CAPN14: variants seen among roughly 807,000 people sequenced by gnomAD.
The protein encoded by CAPN14 is calpain-14.
In CAPN14, 94 loss-of-function variants were observed where a neutral mutation model predicts 101.3. The observed-to-expected ratio is 0.93, with a 90% CI of 0.79 to 1.10. The LOEUF is 1.10. CAPN14 is among the 50% of genes least tolerant of loss of function. The pLI is 0.00. For missense variants in CAPN14, 837 were observed against 828.4 expected, an observed-to-expected ratio of 1.01 and a Z score of -0.13; for synonymous variants, 338 against 317.9, an observed-to-expected ratio of 1.06 and a Z score of -0.67.
chr2:31,206,154 TC>T (rs1156424547), intron 1 of CAPN14, among the ~76,000 whole-genome samples: 1 of 151,420 alleles, frequency 6.6e-6, no homozygotes, highest in Admixed American at 6.6e-5. Context: ...TGCCTCAGTC[TC>T]CCGAGTAGCT....
chr2:31,201,572 G>A (rs1181594667), intron 5 of CAPN14, among the ~76,000 whole-genome samples: 1 of 152,076 alleles, frequency 6.6e-6, no homozygotes, highest in Non-Finnish European at 1.5e-5. Flanking sequence ...GTTTTCTTTG[G>A]GTGTATCTTG....
chr2:31,210,139 T>C (rs1385091247), intron 1 of CAPN14, among the ~76,000 whole-genome samples: 1 of 152,214 alleles, frequency 6.6e-6, no homozygotes, highest in African/African-American at 2.4e-5. Flanking sequence ...ATACTGTATC[T>C]CTGCCATTGA....
intron 8 of CAPN14, among the ~76,000 whole-genome samples, chr2:31,196,031 G>A (rs1204965547): frequency 1.3e-5 from 2 of 152,036 alleles, no homozygotes; most frequent in Non-Finnish European, 2.9e-5. Context: ...TAAAAGTGCC[G>A]CATATTCTCA....
intron 16 of CAPN14, among the ~76,000 whole-genome samples, chr2:31,183,083 G>C (rs1048892368): frequency 5.3e-5 from 8 of 152,132 alleles, no homozygotes; most frequent in Non-Finnish European, 8.8e-5. Flanking sequence ...CAAACAATGG[G>C]GAAAGGATTT....
At chr2:31,231,122 C>T (rs1052618550) in intron 1 of CAPN14, among the ~76,000 whole-genome samples, 3 of 151,718 alleles carry the variant, frequency 2.0e-5, no homozygotes, top group Non-Finnish European at 2.9e-5. Context: ...TTTTTCTGCC[C>T]TCCTTCCCCT....
chr2:31,206,537 G>T (rs1682107474), intron 1 of CAPN14, among the ~76,000 whole-genome samples: 1 of 152,220 alleles, frequency 6.6e-6, no homozygotes, highest in African/African-American at 2.4e-5. Flanking sequence ...TTACAGGCGT[G>T]AGCCACCATG....
intron 1 of CAPN14, among the ~76,000 whole-genome samples, chr2:31,215,980 A>G (rs139706200): frequency 1.3e-5 from 2 of 152,318 alleles, no homozygotes; most frequent in African/African-American, 4.8e-5. Context: ...AGACATGTAC[A>G]AGAATACTCA....
chr2:31,175,580 G>A (rs556191527), intron 21 of CAPN14, among the ~76,000 whole-genome samples: 89 of 152,304 alleles, frequency 5.8e-4, no homozygotes, highest in African/African-American at 2.1e-3. Flanking sequence ...GATCAGGAGC[G>A]ATGCCCCAGT....
At chr2:31,208,989 A>C (rs1682250532) in intron 1 of CAPN14, among the ~76,000 whole-genome samples, 1 of 152,076 alleles carries the variant, frequency 6.6e-6, no homozygotes, top group South Asian at 2.1e-4. Flanking sequence ...TTTTTATTAG[A>C]GACAGGGTCT....
intron 1 of CAPN14, among the ~76,000 whole-genome samples, chr2:31,213,665 G>C (rs141104311): frequency 1.3e-5 from 2 of 152,160 alleles, no homozygotes; most frequent in African/African-American, 4.8e-5. Context: ...TAATTGATTC[G>C]TTGACTTTTT....
At chr2:31,207,506 A>G (rs1461216490) in intron 1 of CAPN14, among the ~76,000 whole-genome samples, 1 of 152,230 alleles carries the variant, frequency 6.6e-6, no homozygotes, top group African/African-American at 2.4e-5. Flanking sequence ...AAGGGCTCAC[A>G]TCTGTAATCC....
chr2:31,193,037 A>T lies in CAPN14; in HGVS notation c.1114+94T>A. The stretch of plus-strand genomic sequence containing the variant: ...GCAGAGCCTCCTCCCCACTCAGCCA[A>T]TGCAGAATTCGTGCTGCAACCCCCT... On this transcript the variant is annotated intron_variant, in intron 10 of 21. Coordinates refer to ENST00000403897, the MANE Select transcript of CAPN14 (RefSeq NM_001145122.2). 3 of 1,250,626 alleles carry T rather than the reference A, an allele frequency of 2.4e-6. No homozygotes were observed. The South Asian group carries it at 4.3e-5, about 18-fold the overall frequency. The allele number at this position is 1,250,626 out of a possible 1,614,324, so 77.5% of individuals were successfully genotyped here. A position where few individuals can be genotyped will look rare whatever the true frequency, so the allele number is the denominator to read the frequency against.
In CAPN14 at chr2:31,203,159, T is replaced by C. The variant is rs1219352335; in HGVS notation, c.226-20A>G. ...CAGCTCCTGGGAAAGACAAACAGAA[T>C]TGTCATTCTGACCTAGAACAAAAAA... On this transcript the variant is annotated intron_variant, in intron 2 of 21. Coordinates refer to ENST00000403897, the MANE Select transcript of CAPN14 (RefSeq NM_001145122.2). 3.0e-5 allele frequency: 47 copies of C among 1,550,226 alleles called. No individual in the cohort carries two copies. Among genetic ancestry groups the C allele is most frequent in the Non-Finnish European group, 3.9e-5 (45 of 1,145,666 alleles).
At chr2:31,215,396 C>T (rs1682596458) in intron 1 of CAPN14, among the ~76,000 whole-genome samples, 1 of 152,128 alleles carries the variant, frequency 6.6e-6, no homozygotes, top group Non-Finnish European at 1.5e-5. Context: ...GGCCATTTCA[C>T]GTCACGCCCT....
At chr2:31,217,773 A>C (rs1682716621), upstream of CAPN14, among the ~76,000 whole-genome samples, 1 of 152,098 alleles carries the variant, frequency 6.6e-6, no homozygotes, top group African/African-American at 2.4e-5. Context: ...AACCCTGGGG[A>C]GGGTACTTTC....
At chr2:31,212,446 T>C (rs1682451060) in intron 1 of CAPN14, among the ~76,000 whole-genome samples, 2 of 152,214 alleles carry the variant, frequency 1.3e-5, no homozygotes, top group Non-Finnish European at 2.9e-5. Context: ...ATTCCTGTCC[T>C]ACTGGCATCA....
upstream of CAPN14, among the ~76,000 whole-genome samples, chr2:31,219,542 G>T (rs780739281): frequency 4.1e-4 from 62 of 152,208 alleles, no homozygotes; most frequent in Non-Finnish European, 6.2e-4. Context: ...GTGGAAACAA[G>T]ATTTTAGGAG....
At chr2:31,199,439 G>C (rs1572415449) in intron 7 of CAPN14, 31 bp downstream of exon 7, 1 of 1,540,200 alleles carries the variant, frequency 6.5e-7, no homozygotes, top group Non-Finnish European at 8.8e-7. Context: ...GCAAGGCTGA[G>C]AGGGAAACCG....
At chr2:31,221,673 G>C (rs1027318253), upstream of CAPN14, among the ~76,000 whole-genome samples, 15 of 152,140 alleles carry the variant, frequency 9.9e-5, no homozygotes, top group African/African-American at 3.6e-4. Flanking sequence ...GATCGCCAGG[G>C]AGAACAGCGT....
Sources: gnomAD v4.1 joint callset for allele counts (sites outside exome capture counted in the v4.1 genomes callset) on GRCh38, gnomAD v4.1.1 for gene constraint, MANE v1.5 for transcripts, NCBI Gene and HGNC (gene_info 2026-07-23, HGNC 2026-07-21) for gene names.